The following CCDC171 variants were observed in gnomAD, a reference collection of about 807,000 sequenced individuals.
CCDC171 encodes the protein coiled-coil domain containing 171, also known as coiled-coil domain-containing protein 171.
A neutral mutation model predicts 168.2 loss-of-function variants in CCDC171; 177 were observed. The observed-to-expected ratio is 1.05, with a 90% CI of 0.93 to 1.19. The LOEUF is 1.19. CCDC171 is among the 50% of genes most tolerant of loss of function. The pLI is 0.00. For missense variants in CCDC171, 1,991 were observed against 1,539.0 expected (o/e 1.29, Z -4.91); for synonymous variants, 687 against 540.8 (o/e 1.27, Z -3.75).
At chr9:15,635,719 C>G (rs945612599) in intron 7 of CCDC171, among the ~76,000 whole-genome samples, 3 of 152,212 alleles carry the variant, frequency 2.0e-5, no homozygotes, top group African/African-American at 7.2e-5. Context: ...TGTTTCCACT[C>G]TTTCAGCCAT....
chr9:15,993,148 GC>G (rs1415215865), intron 3 of CCDC171, among the ~76,000 whole-genome samples: 2 of 151,834 alleles, frequency 1.3e-5, no homozygotes, highest in Middle Eastern at 6.8e-3. Flanking sequence ...TCAATCCTAA[GC>G]CAAAAGAACA....
chr9:15,955,782 C>T (rs1829739987), intron 25 of CCDC171, among the ~76,000 whole-genome samples: 1 of 152,076 alleles, frequency 6.6e-6, no homozygotes, highest in Non-Finnish European at 1.5e-5. Context: ...TATTATATTA[C>T]ATTTTTAATA....
intron 7 of CCDC171, among the ~76,000 whole-genome samples, chr9:15,644,066 A>C (rs140542766): frequency 2.0e-5 from 3 of 152,028 alleles, no homozygotes; most frequent in Non-Finnish European, 4.4e-5. Context: ...ATCTGTTTTC[A>C]TTTCTCTTGG....
intron 21 of CCDC171, among the ~76,000 whole-genome samples, chr9:15,804,849 C>A (rs1022309097): frequency 6.6e-6 from 1 of 151,934 alleles, no homozygotes; most frequent in African/African-American, 2.4e-5. Context: ...TTCTTTGTAC[C>A]CCTGGTAGAA....
intron 21 of CCDC171, among the ~76,000 whole-genome samples, chr9:15,811,100 C>T (rs1356354909): frequency 6.6e-6 from 1 of 152,242 alleles, no homozygotes; most frequent in East Asian, 1.9e-4. Context: ...CGTGAAGTAT[C>T]TAGGCCTGTA....
chr9:15,711,918 G>C (rs2052696552), intron 11 of CCDC171, among the ~76,000 whole-genome samples: 1 of 152,166 alleles, frequency 6.6e-6, no homozygotes, highest in African/African-American at 2.4e-5. Context: ...CATCTCAGCT[G>C]GATATGGTTC....
chr9:15,707,291 C>A (rs1334485756), intron 11 of CCDC171, among the ~76,000 whole-genome samples: 1 of 152,178 alleles, frequency 6.6e-6, no homozygotes, highest in African/African-American at 2.4e-5. Flanking sequence ...GTAATGAGGT[C>A]ATTAATATAT....
chr9:15,785,736 A>G (rs2057915030), intron 21 of CCDC171, among the ~76,000 whole-genome samples: 1 of 152,142 alleles, frequency 6.6e-6, no homozygotes. Flanking sequence ...TAATATATCT[A>G]GGGAGTCAGA....
At chr9:15,756,758 C>T (rs1470171491) in intron 18 of CCDC171, among the ~76,000 whole-genome samples, 1 of 152,180 alleles carries the variant, frequency 6.6e-6, no homozygotes, top group East Asian at 1.9e-4. Flanking sequence ...GTGGGAGAGA[C>T]CTGGTGGGAG....
At chr9:15,931,769 C>G (rs1459553555) in intron 25 of CCDC171, among the ~76,000 whole-genome samples, 3 of 151,590 alleles carry the variant, frequency 2.0e-5, no homozygotes, top group African/African-American at 7.3e-5. Context: ...ACATTTAAGT[C>G]TATTACCTAT....
At chr9:15,881,917 C>T (rs1193695956) in intron 24 of CCDC171, among the ~76,000 whole-genome samples, 2 of 152,110 alleles carry the variant, frequency 1.3e-5, no homozygotes, top group Non-Finnish European at 2.9e-5. Flanking sequence ...AATAGGAGTA[C>T]AGATGCCTTG....
upstream of CCDC171, among the ~76,000 whole-genome samples, chr9:16,040,302 C>T (rs897608005): frequency 3.3e-5 from 5 of 152,216 alleles, no homozygotes; most frequent in Non-Finnish European, 5.9e-5. Context: ...TCCCACACCT[C>T]CCCAGTGAAG....
chr9:15,687,008 C>G (rs1354114956), intron 10 of CCDC171, among the ~76,000 whole-genome samples: 1 of 152,084 alleles, frequency 6.6e-6, no homozygotes, highest in Non-Finnish European at 1.5e-5. Flanking sequence ...TATGCTAGGC[C>G]ATGAAACAAG....
downstream of CCDC171, chr9:15,974,155 A>C (rs1479985804): frequency 1.3e-5 from 2 of 152,108 alleles, no homozygotes; most frequent in African/African-American, 4.8e-5. Flanking sequence ...AAGCAACTAG[A>C]TGCTAAAGGC....
At chr9:16,064,852 T>C (rs4961636), downstream of CCDC171, among the ~76,000 whole-genome samples, 61,381 of 152,082 alleles carry the variant, frequency 0.4, 13,881 homozygotes, top group African/African-American at 0.62. Context: ...TTGAGAGCCC[T>C]CGAAGTTCAT....
intron 21 of CCDC171, among the ~76,000 whole-genome samples, chr9:15,834,982 A>G (rs2060380763): frequency 6.6e-6 from 1 of 152,258 alleles, no homozygotes; most frequent in Admixed American, 6.5e-5. Context: ...GACACAGAAC[A>G]TAGAGTCCTT....
chr9:15,914,695 GAA>G lies in CCDC171; in HGVS notation c.3601-5567_3601-5566del, dbSNP rs71325948. Among the ~76,000 whole-genome samples the G allele has an allele frequency of 5.3e-5, 8 of 151,404 alleles. No individual in the cohort carries two copies. The East Asian group carries it at 1.6e-3, about 30-fold the overall frequency. The stretch of plus-strand genomic sequence containing the variant: ...AGTGTTCCAGGTGACAATGGGGTAT[GAA>G]AAAAAAACTCCTGCAGATAGCTTGA... On this transcript the variant is annotated intron_variant, in intron 24 of 25. Coordinates refer to ENST00000380701, the MANE Select transcript of CCDC171 (RefSeq NM_173550.4).
intron 9 of CCDC171, 120 bp from the exon 10 acceptor site, chr9:15,678,638 A>G: frequency 8.2e-6 from 6 of 733,346 alleles, no homozygotes; most frequent in Non-Finnish European, 1.2e-5. Flanking sequence ...AGTTAGCCTT[A>G]AAAAGTCTTT....
rs1240249063 is a variant in CCDC171 at position 15,814,776 on chromosome 9, T to C, written c.3267+30082T>C. ...AATTACAGATCTACTGATTTATCTT[T>C]CTGAAAAAACAAATCTTCATCATGC... On this transcript the variant is annotated intron_variant, in intron 21 of 25. Transcript: ENST00000380701. Among the ~76,000 whole-genome samples, 6 of 152,276 alleles carry C rather than the reference T, an allele frequency of 3.9e-5. No homozygotes were observed. In the East Asian group the frequency reaches 9.6e-4, roughly 24 times the overall value.
Sources: allele counts gnomAD v4.1 joint callset (sites outside exome capture counted in the v4.1 genomes callset), GRCh38; gene constraint gnomAD v4.1.1; transcripts MANE v1.5; gene names NCBI Gene and HGNC (gene_info 2026-07-23, HGNC 2026-07-21).